Variants in GRM7 observed in about 807,000 individuals in gnomAD.
GRM7 encodes metabotropic glutamate receptor 7.
A neutral mutation model predicts 84.5 loss-of-function variants in GRM7; 35 were observed. That is an observed-to-expected ratio of 0.41 (90% CI 0.32 to 0.55). The LOEUF (loss-of-function observed/expected upper bound fraction) is 0.55, where lower values mean the gene tolerates loss of function less well. Among genes scored for constraint, GRM7 ranks in the 20% least tolerant of loss-of-function variants. GRM7 has a pLI of 0.19. For synonymous variants in GRM7, 487 were observed against 455.1 expected (o/e 1.07, Z -0.89); for missense variants, 1,003 against 1,194.6 (o/e 0.84, Z 2.36).
chr3:7,662,539 T>G (rs1269939496), intron 8 of GRM7, among the ~76,000 whole-genome samples: 1 of 152,178 alleles, frequency 6.6e-6, no homozygotes, highest in Non-Finnish European at 1.5e-5. Context: ...AATGGAGAAA[T>G]TTGACTTTGT....
chr3:7,216,973 T>A (rs1197031621), intron 2 of GRM7, among the ~76,000 whole-genome samples: 1 of 152,204 alleles, frequency 6.6e-6, no homozygotes, highest in Non-Finnish European at 1.5e-5. Context: ...TGTAGTAATT[T>A]AAGTCATCAC....
At chr3:7,709,225 TA>T (rs1345352812) in intron 9 of GRM7, among the ~76,000 whole-genome samples, 2 of 152,144 alleles carry the variant, frequency 1.3e-5, no homozygotes, top group Admixed American at 1.3e-4. Context: ...AAACAATGTA[TA>T]AACAAATATA....
chr3:7,466,763 A>G (rs1349954707), intron 7 of GRM7, among the ~76,000 whole-genome samples: 1 of 152,228 alleles, frequency 6.6e-6, no homozygotes, highest in Non-Finnish European at 1.5e-5. Context: ...CTGAAGTTCT[A>G]CAAACCTCAA....
At chr3:7,564,275 T>G (rs1694158505) in intron 7 of GRM7, among the ~76,000 whole-genome samples, 1 of 152,182 alleles carries the variant, frequency 6.6e-6, no homozygotes, top group Non-Finnish European at 1.5e-5. Context: ...CATGCTTCCA[T>G]ACATGCCCTT....
chr3:7,261,838 T>C (rs546226730), intron 2 of GRM7, among the ~76,000 whole-genome samples: 7 of 152,048 alleles, frequency 4.6e-5, no homozygotes, highest in Admixed American at 3.3e-4. Context: ...TTATTTCTCC[T>C]TCATTTATGA....
chr3:7,516,601 AG>A, intron 7 of GRM7, among the ~76,000 whole-genome samples: 1 of 151,776 alleles, frequency 6.6e-6, no homozygotes, highest in Non-Finnish European at 1.5e-5. Flanking sequence ...TCTTAAGTGC[AG>A]GGGAAGCCAG....
At chr3:7,460,415 C>G (rs1350627135) in intron 6 of GRM7, among the ~76,000 whole-genome samples, 5 of 151,792 alleles carry the variant, frequency 3.3e-5, no homozygotes, top group Admixed American at 2.0e-4. Context: ...TTCCAAACAG[C>G]AAGCTGGGGC....
chr3:7,115,198 G>A (rs990238657), intron 1 of GRM7, among the ~76,000 whole-genome samples: 7 of 152,090 alleles, frequency 4.6e-5, no homozygotes, highest in Non-Finnish European at 8.8e-5. Context: ...AGATTCCAGA[G>A]CACATGATCT....
chr3:7,335,798 A>C (rs1701395737), intron 4 of GRM7, among the ~76,000 whole-genome samples: 2 of 152,062 alleles, frequency 1.3e-5, no homozygotes, highest in South Asian at 4.1e-4. Context: ...ACAAACTAGA[A>C]AACCTAGAGG....
At chr3:6,985,127 T>A (rs745971284) in intron 1 of GRM7, among the ~76,000 whole-genome samples, 6 of 152,196 alleles carry the variant, frequency 3.9e-5, no homozygotes, top group Non-Finnish European at 7.3e-5. Flanking sequence ...ATGAGGTATG[T>A]GAGACGTCTT....
intron 5 of GRM7, among the ~76,000 whole-genome samples, chr3:7,418,690 G>T (rs1253252685): frequency 6.6e-6 from 1 of 152,106 alleles, no homozygotes; most frequent in Non-Finnish European, 1.5e-5. Context: ...TTTCAATGGA[G>T]ATACTAAGGG....
chr3:7,003,450 C>A (rs538959625), intron 1 of GRM7, among the ~76,000 whole-genome samples: 2 of 151,718 alleles, frequency 1.3e-5, no homozygotes, highest in African/African-American at 2.4e-5. Flanking sequence ...GGAGCGCATG[C>A]AATTGATTAT....
chr3:7,689,894 G>T (rs1044490451), intron 9 of GRM7, among the ~76,000 whole-genome samples: 2 of 152,110 alleles, frequency 1.3e-5, no homozygotes, highest in Non-Finnish European at 2.9e-5. Flanking sequence ...CCTTCAGGGA[G>T]CTCAGATCTG....
At chr3:7,679,213 A>T (rs1700259987) in intron 8 of GRM7, among the ~76,000 whole-genome samples, 1 of 152,166 alleles carries the variant, frequency 6.6e-6, no homozygotes, top group Admixed American at 6.6e-5. Flanking sequence ...GAAAAGGGGC[A>T]TGGAGAAAAG....
At position 7,713,114 on chromosome 3, in the gene GRM7, ATTTTGTTTTGTTTTTTT is replaced by A. The variant is rs1202802930; in HGVS notation, c.2699-27238_2699-27222del. ...ATATTCACAGATAGAGAGGATTCGAATTTTGTTTTGTTTTTTTTTTTTTTTTTTTTTTTTTTTTGAGA... is the reference window on the plus strand; with the variant it reads ...ATATTCACAGATAGAGAGGATTCGAATTTTTTTTTTTTTTTTTTTTTGAGA... On this transcript the variant is annotated intron_variant, in intron 9 of 9. Coordinates refer to ENST00000357716, the MANE Select transcript of GRM7 (RefSeq NM_000844.4). Among the ~76,000 whole-genome samples the A allele has an allele frequency of 3.5e-4, 45 of 129,908 alleles. 1 individual carries two copies. The highest frequency in any genetic ancestry group is 1.3e-3 in the African/African-American group (43 of 32,122). 85.2% of individuals were successfully genotyped at this position (129,908 alleles called of 152,430 possible).
chr3:7,692,628 T>G (rs976735261), intron 9 of GRM7, among the ~76,000 whole-genome samples: 1 of 152,196 alleles, frequency 6.6e-6, no homozygotes, highest in East Asian at 1.9e-4. Flanking sequence ...CTGCAAAGTT[T>G]AGAATGTACT....
At chr3:7,013,095 AT>A (rs1695437081) in intron 1 of GRM7, among the ~76,000 whole-genome samples, 2 of 150,930 alleles carry the variant, frequency 1.3e-5, no homozygotes, top group African/African-American at 4.9e-5. Context: ...GCCCTACCAT[AT>A]TTCTGGATGA....
chr3:7,045,640 T>G (rs1696779700), intron 1 of GRM7, among the ~76,000 whole-genome samples: 1 of 152,178 alleles, frequency 6.6e-6, no homozygotes, highest in South Asian at 2.1e-4. Flanking sequence ...TGTGAACTAT[T>G]TGTCTTTCTG....
chr3:7,124,941 A>G (rs1336821621), intron 1 of GRM7, among the ~76,000 whole-genome samples: 1 of 151,982 alleles, frequency 6.6e-6, no homozygotes, highest in East Asian at 1.9e-4. Flanking sequence ...TAAGATTAAT[A>G]GTTTCTTTTC....
Sources: gnomAD v4.1 joint callset for allele counts (sites outside exome capture counted in the v4.1 genomes callset) on GRCh38, gnomAD v4.1.1 for gene constraint, MANE v1.5 for transcripts, NCBI Gene and HGNC (gene_info 2026-07-23, HGNC 2026-07-21) for gene names.